The following MYLK variants were observed in gnomAD, a reference collection of about 807,000 sequenced individuals.
MYLK encodes myosin light chain kinase.
A neutral mutation model predicts 203.4 loss-of-function variants in MYLK; 106 were observed. That is an observed-to-expected ratio of 0.52 (90% CI 0.45 to 0.61). The LOEUF is 0.61. Among genes scored for constraint, MYLK ranks in the 20% least tolerant of loss-of-function variants. The pLI is 0.00. For synonymous variants in MYLK, 867 were observed against 959.5 expected (o/e 0.90, Z 1.78); for missense variants, 2,072 against 2,442.3 (o/e 0.85, Z 3.20).
intron 22 of MYLK, among the ~76,000 whole-genome samples, chr3:123,664,723 T>C (rs1335757356): frequency 1.3e-5 from 2 of 152,186 alleles, no homozygotes; most frequent in Non-Finnish European, 2.9e-5. Flanking sequence ...GTCCATCAAC[T>C]GATGAACAAA....
intron 2 of MYLK, 32 bp downstream of exon 2, chr3:123,876,527 A>G (rs551521551): frequency 1.3e-5 from 2 of 152,358 alleles, no homozygotes; most frequent in African/African-American, 4.8e-5. Context: ...AATAAAGAAA[A>G]TATAAGAATC....
rs112441111 is a variant in MYLK at position 123,858,058 on chromosome 3, G to T, written c.-127+18501C>A. ...GGGTACCCGCTGGTATTGGATTCTGGGCCATCTTCAGTGCCCTAAGGGTTG... is the reference window on the plus strand; with the variant it reads ...GGGTACCCGCTGGTATTGGATTCTGTGCCATCTTCAGTGCCCTAAGGGTTG... On this transcript the variant is annotated intron_variant, in intron 2 of 33. Transcript: ENST00000360304. Among the ~76,000 whole-genome samples, 998 of 152,280 alleles carry T rather than the reference G, an allele frequency of 6.6e-3. 9 individuals carry two copies. The highest frequency in any genetic ancestry group is 0.02 in the African/African-American group (842 of 41,550).
chr3:123,640,503 C>A lies in MYLK; in HGVS notation c.4621G>T (p.Val1541Leu). 1 of 1,613,924 alleles carries A rather than the reference C, an allele frequency of 6.2e-7. No homozygotes were observed. The highest frequency in any genetic ancestry group is 1.1e-5 in the South Asian group (1 of 91,070). Residue 1541 changes from valine (V) to leucine (L), a missense_variant and splice_region_variant, in exon 28 of 34, where the codon GTG becomes TTG. By Grantham distance (32) the Val-to-Leu change is conservative. This residue lies in a region of MYLK where 524 missense variants were observed against 782.4 expected (regional missense o/e 0.67). Transcript: ENST00000360304. The surrounding 1 kb of genome is among the most constrained non-coding windows in gnomAD (Gnocchi z 4.3). ...CGCTCAAACAGCTCCCCTCCTGACACGCTGCGGGAACACGTGCACGGGGTG... is the reference window on the plus strand; with the variant it reads ...CGCTCAAACAGCTCCCCTCCTGACAAGCTGCGGGAACACGTGCACGGGGTG... The part of the protein sequence containing the change: ...KANIVMVLEI[V>L]SGGELFERII...
At chr3:123,695,404 T>C (rs1242044085) in intron 18 of MYLK, among the ~76,000 whole-genome samples, 2 of 152,246 alleles carry the variant, frequency 1.3e-5, no homozygotes, top group Non-Finnish European at 2.9e-5. Flanking sequence ...CTGTTTTTCC[T>C]AAGCCTGGAA....
At chr3:123,758,329 C>A (rs1390319636) in intron 4 of MYLK, among the ~76,000 whole-genome samples, 3 of 152,220 alleles carry the variant, frequency 2.0e-5, no homozygotes, top group Non-Finnish European at 2.9e-5. Flanking sequence ...ACCATACCAA[C>A]TAAAAACAGC....
At chr3:123,723,693 C>T (rs927011289) in intron 12 of MYLK, among the ~76,000 whole-genome samples, 2 of 152,204 alleles carry the variant, frequency 1.3e-5, no homozygotes, top group Non-Finnish European at 2.9e-5. Flanking sequence ...AGCTCGGAGG[C>T]TGGGTTAAAC....
intron 11 of MYLK, among the ~76,000 whole-genome samples, chr3:123,727,098 G>A (rs1248126392): frequency 6.6e-6 from 1 of 152,224 alleles, no homozygotes; most frequent in East Asian, 1.9e-4. Context: ...TCATTTTACA[G>A]ACAAGGTTAC....
At chr3:123,852,189 T>G (rs914022185) in intron 2 of MYLK, among the ~76,000 whole-genome samples, 6 of 152,218 alleles carry the variant, frequency 3.9e-5, no homozygotes, top group Non-Finnish European at 7.3e-5. Context: ...TCATCAAGGA[T>G]AGTGGTCTAA....
At chr3:123,862,186 G>A (rs993873164) in intron 2 of MYLK, among the ~76,000 whole-genome samples, 1 of 152,194 alleles carries the variant, frequency 6.6e-6, no homozygotes, top group African/African-American at 2.4e-5. Flanking sequence ...GCTTCTTACT[G>A]TAACTTCATG....
chr3:123,718,371 A>C (rs2061976386), intron 13 of MYLK, among the ~76,000 whole-genome samples: 1 of 152,098 alleles, frequency 6.6e-6, no homozygotes, highest in African/African-American at 2.4e-5. Context: ...CCCTGCAGGG[A>C]GCTTACAGTG....
chr3:123,684,593 C>G (rs1189196702), intron 19 of MYLK, among the ~76,000 whole-genome samples: 2 of 152,114 alleles, frequency 1.3e-5, no homozygotes, highest in African/African-American at 2.4e-5. Context: ...GTCACCCAGG[C>G]TGGACTGCAG....
intron 12 of MYLK, among the ~76,000 whole-genome samples, chr3:123,723,476 C>A (rs1326342950): frequency 6.6e-6 from 1 of 152,232 alleles, no homozygotes; most frequent in East Asian, 1.9e-4. Context: ...ACCCTCCAAA[C>A]CTCTCTTCCT....
intron 33 of MYLK, among the ~76,000 whole-genome samples, 161 bp from the exon 34 acceptor site, chr3:123,614,510 T>G (rs375054982): frequency 1.2e-3 from 178 of 152,370 alleles, no homozygotes; most frequent in Non-Finnish European, 2.0e-3. Context: ...CATTAGAATA[T>G]GGACATGTCT....
At chr3:123,796,905 C>T (rs772840598) in intron 3 of MYLK, among the ~76,000 whole-genome samples, 1 of 152,146 alleles carries the variant, frequency 6.6e-6, no homozygotes, top group Non-Finnish European at 1.5e-5. Context: ...AATAATCCTA[C>T]ATTTAGAAAT....
intron 13 of MYLK, among the ~76,000 whole-genome samples, chr3:123,717,829 T>C (rs1168793486): frequency 6.9e-6 from 1 of 145,222 alleles, no homozygotes; most frequent in East Asian, 2.0e-4. Flanking sequence ...GGAATATTTG[T>C]TGAGGGACTC....
chr3:123,700,842 G>A lies in MYLK; in HGVS notation c.2626C>T (p.Arg876Cys), dbSNP rs369503342. ...GEDVRGVLKR[R>C]VETRQHTEEA... The stretch of plus-strand genomic sequence containing the variant: ...TCAGTGTGCTGCCTCGTCTCCACGC[G>A]CCTCTTCAGCACCCCTCGCACGTCC... Residue 876 changes from arginine (R) to cysteine (C), a missense_variant, in exon 18 of 34, where the codon CGC (arginine) becomes TGC (cysteine). Physicochemically the swap from Arg to Cys is radical, Grantham distance 180. Coordinates refer to ENST00000360304, the MANE Select transcript of MYLK (RefSeq NM_053025.4). The A allele has an allele frequency of 2.5e-5, 40 of 1,613,808 alleles. No homozygotes were observed. The African/African-American group carries it at 4.4e-4, about 18-fold the overall frequency.
At chr3:123,654,757 C>T (rs927286967) in intron 24 of MYLK, among the ~76,000 whole-genome samples, 3 of 145,482 alleles carry the variant, frequency 2.1e-5, no homozygotes, top group African/African-American at 7.8e-5. Flanking sequence ...CACTGTGTCA[C>T]CCAGGCTGGA....
chr3:123,753,588 A>G lies in MYLK; in HGVS notation c.166-1050T>C, dbSNP rs1461980038. Among the ~76,000 whole-genome samples the G allele has an allele frequency of 2.0e-5, 3 of 152,140 alleles. No individual in the cohort carries two copies. The East Asian group carries it at 5.8e-4, about 29-fold the overall frequency. ...CAGTCAGAGAGAAGACATCTCTCAA[A>G]AGAGGGGAAAATGCAGAGATAAATT... On this transcript the variant is annotated intron_variant, in intron 4 of 33. Transcript: ENST00000360304.
At chr3:123,878,965 C>T (rs1195509830) in intron 1 of MYLK, among the ~76,000 whole-genome samples, 3 of 152,174 alleles carry the variant, frequency 2.0e-5, no homozygotes, top group Non-Finnish European at 2.9e-5. Context: ...GGATTACAAG[C>T]GTGAACCACG....
Sources: allele counts gnomAD v4.1 joint callset (sites outside exome capture counted in the v4.1 genomes callset), GRCh38; gene constraint gnomAD v4.1.1; regional missense constraint gnomAD v4.1.1; non-coding constraint Gnocchi (gnomAD v3.1); transcripts MANE v1.5; gene names NCBI Gene and HGNC (gene_info 2026-07-23, HGNC 2026-07-21).